Variants in CDH20 observed in about 807,000 individuals in gnomAD.
CDH20 encodes the protein cadherin 20.
A neutral mutation model predicts 74.2 loss-of-function variants in CDH20; 29 were observed. That is an observed-to-expected ratio of 0.39 (90% CI 0.29 to 0.53). The LOEUF (loss-of-function observed/expected upper bound fraction) is 0.53, where lower values mean the gene tolerates loss of function less well. CDH20 is among the 20% of genes least tolerant of loss of function. The pLI, the probability that CDH20 is intolerant of heterozygous loss-of-function variation, is 0.69. For synonymous variants in CDH20, 469 were observed against 405.4 expected (o/e 1.16, Z -1.88); for missense variants, 988 against 1,048.3 (o/e 0.94, Z 0.79).
intron 1 of CDH20, among the ~76,000 whole-genome samples, chr18:61,335,228 T>C (rs1379425178): frequency 6.6e-6 from 1 of 152,206 alleles, no homozygotes; most frequent in Non-Finnish European, 1.5e-5. Context: ...GGAAAATCTT[T>C]TCCCTTTAGT....
chr18:61,512,905 G>GGA (rs1911838470), intron 6 of CDH20, among the ~76,000 whole-genome samples: 1 of 152,162 alleles, frequency 6.6e-6, no homozygotes, highest in Non-Finnish European at 1.5e-5. Flanking sequence ...CATTTGCTGA[G>GGA]GAGAGCTTTA....
chr18:61,441,768 G>C (rs951101050), intron 1 of CDH20, among the ~76,000 whole-genome samples: 2 of 151,974 alleles, frequency 1.3e-5, no homozygotes, highest in South Asian at 2.1e-4. Flanking sequence ...TTTTTCATTT[G>C]TACAATGTGT....
At chr18:61,549,552 C>T (rs1350113130) in intron 10 of CDH20, among the ~76,000 whole-genome samples, 3 of 152,308 alleles carry the variant, frequency 2.0e-5, no homozygotes, top group African/African-American at 7.2e-5. Flanking sequence ...ACAGGCTCCT[C>T]AGCATTCTTT....
At chr18:61,408,326 T>A (rs775636354) in intron 1 of CDH20, among the ~76,000 whole-genome samples, 1 of 152,144 alleles carries the variant, frequency 6.6e-6, no homozygotes, top group Non-Finnish European at 1.5e-5. Flanking sequence ...AGTGTGAGAA[T>A]TGAAGGACAA....
intron 1 of CDH20, among the ~76,000 whole-genome samples, chr18:61,382,741 A>G (rs1271319506): frequency 2.0e-5 from 3 of 152,250 alleles, no homozygotes; most frequent in Non-Finnish European, 4.4e-5. Context: ...ATTGAAAAGC[A>G]GGAAGAGTAA....
At chr18:61,450,278 A>G (rs1947605668) in intron 1 of CDH20, among the ~76,000 whole-genome samples, 1 of 151,972 alleles carries the variant, frequency 6.6e-6, no homozygotes, top group African/African-American at 2.4e-5. Context: ...CATGGAAGAG[A>G]ACACAGTCTA....
At chr18:61,457,941 T>G (rs1909632172) in intron 1 of CDH20, among the ~76,000 whole-genome samples, 1 of 152,186 alleles carries the variant, frequency 6.6e-6, no homozygotes. Context: ...TAATCTGGGT[T>G]ATCAATCAAC....
rs1194729088 is a variant in CDH20 at position 61,550,139 on chromosome 18, A to G, written c.1810A>G (p.Met604Val). The change falls in exon 11 of 12, where the codon ATG becomes GTG. Residue 604 changes from methionine to valine, a missense_variant. Met to Val is a conservative substitution (Grantham distance 21, BLOSUM62 1). Transcript: ENST00000262717. Reference sequence around the variant, plus strand: ...CAGCTGTGATGACGACGGCCACGTCATGTCCTGCAGCCCAGAGGCCTACAT... The same window carrying G: ...CAGCTGTGATGACGACGGCCACGTCGTGTCCTGCAGCCCAGAGGCCTACAT... ...VCSCDDDGHV[M>V]SCSPEAYMLP... The G allele has an allele frequency of 8.7e-6, 14 of 1,614,212 alleles. No homozygotes were observed. In the East Asian group the frequency reaches 2.9e-4, roughly 33 times the overall value.
chr18:61,479,834 C>T (rs1910526443), intron 1 of CDH20, among the ~76,000 whole-genome samples: 2 of 152,104 alleles, frequency 1.3e-5, no homozygotes, highest in South Asian at 2.1e-4. Context: ...GGGCCTTCTC[C>T]CTGCCAGTCT....
chr18:61,352,884 T>C (rs969199229), intron 1 of CDH20, among the ~76,000 whole-genome samples: 2 of 152,222 alleles, frequency 1.3e-5, no homozygotes, highest in African/African-American at 4.8e-5. Context: ...TTCTCATTGT[T>C]AGGGACTTAC....
intron 1 of CDH20, among the ~76,000 whole-genome samples, chr18:61,384,853 G>A (rs1329405719): frequency 6.6e-6 from 1 of 152,168 alleles, no homozygotes; most frequent in Non-Finnish European, 1.5e-5. Flanking sequence ...TTAGTATTAA[G>A]CGTGATATGA....
At chr18:61,452,047 T>C (rs377163455) in intron 1 of CDH20, among the ~76,000 whole-genome samples, 1 of 152,104 alleles carries the variant, frequency 6.6e-6, no homozygotes, top group East Asian at 1.9e-4. Flanking sequence ...GAAGGACAAA[T>C]ACTACTATTT....
intron 1 of CDH20, among the ~76,000 whole-genome samples, chr18:61,345,473 G>A (rs1298129629): frequency 1.3e-5 from 2 of 152,076 alleles, no homozygotes; most frequent in African/African-American, 2.4e-5. Context: ...TAGACTGAAG[G>A]TTCACAACCC....
At chr18:61,525,920 C>T (rs988573815) in intron 6 of CDH20, among the ~76,000 whole-genome samples, 4 of 151,476 alleles carry the variant, frequency 2.6e-5, no homozygotes, top group African/African-American at 9.7e-5. Flanking sequence ...GCCTCTGCCT[C>T]CCAAGTAGCT....
At chr18:61,369,500 G>C (rs1389034219) in intron 1 of CDH20, among the ~76,000 whole-genome samples, 1 of 152,118 alleles carries the variant, frequency 6.6e-6, no homozygotes, top group Non-Finnish European at 1.5e-5. Context: ...TATTTTAAAA[G>C]AGGTGTATAT....
chr18:61,541,876 A>G (rs1231124133), intron 9 of CDH20, among the ~76,000 whole-genome samples: 1 of 152,198 alleles, frequency 6.6e-6, no homozygotes, highest in African/African-American at 2.4e-5. Flanking sequence ...GCTGAGCAGA[A>G]TATTGCACGA....
At chr18:61,531,475 G>A (rs1035000) in intron 7 of CDH20, among the ~76,000 whole-genome samples, 17,535 of 152,138 alleles carry the variant, frequency 0.12, 1,340 homozygotes, top group South Asian at 0.23. Context: ...TGAGCCAATC[G>A]GTGTTTTTTT....
At chr18:61,414,028 G>C (rs1912602879) in intron 1 of CDH20, among the ~76,000 whole-genome samples, 1 of 152,128 alleles carries the variant, frequency 6.6e-6, no homozygotes, top group Non-Finnish European at 1.5e-5. Flanking sequence ...ACTCTGCTCT[G>C]TTGTTTTCAC....
At chr18:61,373,413 C>A (rs184108174) in intron 1 of CDH20, among the ~76,000 whole-genome samples, 1 of 152,090 alleles carries the variant, frequency 6.6e-6, no homozygotes, top group Non-Finnish European at 1.5e-5. Flanking sequence ...TTACCCGAGA[C>A]TACTTCACCT....
Sources: gnomAD v4.1 joint callset for allele counts (sites outside exome capture counted in the v4.1 genomes callset) on GRCh38, gnomAD v4.1.1 for gene constraint, MANE v1.5 for transcripts, NCBI Gene and HGNC (gene_info 2026-07-23, HGNC 2026-07-21) for gene names.